The following SPTY2D1 variants were observed in gnomAD, a reference collection of about 807,000 sequenced individuals.
SPTY2D1 encodes the protein SPT2 chromatin protein domain containing 1, also known as protein SPT2 homolog.
Under a neutral mutation model 64.0 loss-of-function variants are expected in SPTY2D1, and 21 were observed. The ratio of observed to expected loss-of-function variants is 0.33; its 90% CI spans 0.23 to 0.47. The LOEUF (loss-of-function observed/expected upper bound fraction) is 0.47, where lower values mean the gene tolerates loss of function less well. Among genes scored for constraint, SPTY2D1 ranks in the 20% least tolerant of loss-of-function variants. The pLI is 1.00. For synonymous variants in SPTY2D1, 287 were observed against 286.8 expected (o/e 1.00, Z -0.01); for missense variants, 724 against 837.2 (o/e 0.86, Z 1.67).
chr11:18,627,870 C>T (rs1276100889), intron 1 of SPTY2D1, among the ~76,000 whole-genome samples: 1 of 135,922 alleles, frequency 7.4e-6, no homozygotes, highest in East Asian at 2.1e-4. Context: ...CAGAGCAAGA[C>T]TCCGTCTCAA....
rs750127389 is a variant in SPTY2D1, at chr11:18,614,950, A to G, written c.1324T>C (p.Ser442Pro). The G allele has an allele frequency of 5.0e-6, 8 of 1,613,940 alleles. No individual in the cohort carries two copies. Among genetic ancestry groups the G allele is most frequent in the Non-Finnish European group, 5.9e-6 (7 of 1,179,892 alleles). The change falls in exon 3 of 6, where the codon TCA becomes CCA. Residue 442 changes from serine to proline, a missense_variant. Ser to Pro is a moderately conservative substitution (Grantham distance 74). Transcript: ENST00000336349. ...CTGATGGGTCGCCCAGGGCCACCTG[A>G]GCTGCTTGCAGGTTGTCCAGGGCCA... is the stretch of plus-strand genomic sequence containing the variant. ...TCGPGQPASSSGGPGRPISGS... is the reference protein window; with the variant it reads ...TCGPGQPASSPGGPGRPISGS...
At chr11:18,627,977 G>A (rs1429476280) in intron 1 of SPTY2D1, among the ~76,000 whole-genome samples, 2 of 152,092 alleles carry the variant, frequency 1.3e-5, no homozygotes, top group Non-Finnish European at 2.9e-5. Flanking sequence ...GAACCTAGGA[G>A]GCAGAGGTTG....
intron 1 of SPTY2D1, among the ~76,000 whole-genome samples, chr11:18,633,565 G>T (rs1360361924): frequency 6.6e-6 from 1 of 152,212 alleles, no homozygotes; most frequent in Non-Finnish European, 1.5e-5. Context: ...AATCTGGAAG[G>T]CTACAAGTAA....
In SPTY2D1 at chr11:18,621,112, T is replaced by C. The variant is rs920606813; in HGVS notation, c.61-4123A>G. 6.0e-5 allele frequency among the ~76,000 whole-genome samples: 9 copies of C among 150,806 alleles called. No homozygotes were observed. The East Asian group carries it at 1.8e-3, about 30-fold the overall frequency. Reference sequence around the variant, plus strand: ...TGAGGTCAGGAGTTCGAGACCAGCCTGGTCAACTTGGTGAAACCCCATCAA... The same window carrying C: ...TGAGGTCAGGAGTTCGAGACCAGCCCGGTCAACTTGGTGAAACCCCATCAA... On this transcript the variant is annotated intron_variant, in intron 1 of 5. Transcript: ENST00000336349.
chr11:18,623,451 T>C lies in SPTY2D1; in HGVS notation c.61-6462A>G, dbSNP rs1022847113. Among the ~76,000 whole-genome samples, 8 of 139,466 alleles carry C rather than the reference T, an allele frequency of 5.7e-5. No individual in the cohort carries two copies. In the Admixed American group the frequency reaches 6.3e-4, roughly 11 times the overall value. The allele number at this position is 139,466 out of a possible 152,430, so 91.5% of individuals were successfully genotyped here. A position where few individuals can be genotyped will look rare whatever the true frequency, so the allele number is the denominator to read the frequency against. On this transcript the variant is annotated intron_variant, in intron 1 of 5. Coordinates refer to ENST00000336349, the MANE Select transcript of SPTY2D1 (RefSeq NM_194285.3). ...CAAATGAAATCGTATAATATGTAGC[T>C]ATGATGGTTAATTTTATATGTCAAT...
rs561949117 is a variant in SPTY2D1, at chr11:18,614,972, G to A, written c.1302C>T (p.Gly434=). The A allele has an allele frequency of 1.9e-6, 3 of 1,614,128 alleles. No individual in the cohort carries two copies. The highest frequency in any genetic ancestry group is 2.5e-6 in the Non-Finnish European group (3 of 1,180,038). ...PSRRTVSGTC[G]PGQPASSSGG... ...CTGAGCTGCTTGCAGGTTGTCCAGGGCCACATGTACCACTGACTGTCCGCC... is the reference window on the plus strand; with the variant it reads ...CTGAGCTGCTTGCAGGTTGTCCAGGACCACATGTACCACTGACTGTCCGCC... The change falls in exon 3 of 6, where the codon GGC becomes GGT. Residue 434 remains glycine, a synonymous_variant. Coordinates refer to ENST00000336349, the MANE Select transcript of SPTY2D1 (RefSeq NM_194285.3).
chr11:18,612,633 C>G lies in SPTY2D1; in HGVS notation c.1712-145G>C, dbSNP rs1854225228. On this transcript the variant is annotated intron_variant, in intron 3 of 5. Transcript: ENST00000336349. The surrounding 1 kb of genome is among the most constrained non-coding windows in gnomAD (Gnocchi z 4.6). ...TGGCCCTTAGCGCAGAGCCATCATC[C>G]TTGCTGTGTCATGGTATCCAGAAGG... is the stretch of plus-strand genomic sequence containing the variant. 2.8e-5 allele frequency: 16 copies of G among 562,362 alleles called. No individual in the cohort carries two copies. The Admixed American group carries it at 6.2e-4, about 22-fold the overall frequency. The allele number at this position is 562,362 out of a possible 1,614,324, so 34.8% of individuals were successfully genotyped here. A position where few individuals can be genotyped will look rare whatever the true frequency, so the allele number is the denominator to read the frequency against.
At chr11:18,620,502 A>G (rs542789739) in intron 1 of SPTY2D1, among the ~76,000 whole-genome samples, 2 of 151,882 alleles carry the variant, frequency 1.3e-5, no homozygotes, top group South Asian at 2.1e-4. Flanking sequence ...CAAAAACATC[A>G]TGAGCCGTTA....
Position 18,614,874 on chromosome 11 carries a change from C to T in SPTY2D1, c.1400G>A (p.Arg467Gln), listed in dbSNP as rs199827890. 7.7e-5 allele frequency: 124 copies of T among 1,613,562 alleles called. 1 individual carries two copies. The highest frequency in any genetic ancestry group is 7.9e-5 in the Non-Finnish European group (93 of 1,179,746). The change falls in exon 3 of 6, where the codon CGG (arginine) becomes CAG (glutamine). Residue 467 changes from arginine (R) to glutamine (Q), a missense_variant. Physicochemically the swap from Arg to Gln is conservative, Grantham distance 43. This residue lies in a region of SPTY2D1 where 426 missense variants were observed against 431.8 expected (regional missense o/e 0.99). Transcript: ENST00000336349. ...RPLGSSRGPG[R>Q]PVSSPHELRR... Reference sequence around the variant, plus strand: ...AAGTTCATGTGGACTGCTCACAGGCCGGCCAGGGCCACGAGAGCTGCCCAA... The same window carrying T: ...AAGTTCATGTGGACTGCTCACAGGCTGGCCAGGGCCACGAGAGCTGCCCAA...
In SPTY2D1 at chr11:18,634,275, G is replaced by A. The variant is rs763976515; in HGVS notation, c.-18C>T. On this transcript the variant is annotated 5_prime_UTR_variant, in exon 1 of 6. Coordinates refer to ENST00000336349, the MANE Select transcript of SPTY2D1 (RefSeq NM_194285.3). ...AAGTCCATGTTGGGCCGAGGCGGGA[G>A]AGACTGGGCCAGGCACTCGGAAAGG... 6.2e-6 allele frequency: 10 copies of A among 1,613,908 alleles called. No homozygotes were observed. The highest frequency in any genetic ancestry group is 3.3e-4 in the Middle Eastern group (2 of 6,084).
intron 1 of SPTY2D1, among the ~76,000 whole-genome samples, chr11:18,627,560 T>C (rs1015154500): frequency 2.0e-5 from 3 of 151,574 alleles, no homozygotes; most frequent in Non-Finnish European, 4.4e-5. Flanking sequence ...CTGGCCAACA[T>C]AGTGAAACCC....
intron 1 of SPTY2D1, among the ~76,000 whole-genome samples, chr11:18,617,590 C>T (rs1473513055): frequency 7.7e-6 from 1 of 130,204 alleles, no homozygotes; most frequent in East Asian, 2.2e-4. Context: ...TGTGCCACTG[C>T]ACTGTAGCCC....
chr11:18,628,963 TTTGC>T (rs1854542384), intron 1 of SPTY2D1, among the ~76,000 whole-genome samples: 1 of 152,140 alleles, frequency 6.6e-6, no homozygotes, highest in Non-Finnish European at 1.5e-5. Context: ...GACATCTGAA[TTTGC>T]TGTCCTAGTT....
In SPTY2D1 at chr11:18,622,101, A is replaced by AAAAAAAAAAC. The variant is rs71050618; in HGVS notation, c.61-5113_61-5112insGTTTTTTTTT. 4.1e-4 allele frequency among the ~76,000 whole-genome samples: 33 copies of AAAAAAAAAAC among 81,394 alleles called. 7 individuals carry two copies. The highest frequency in any genetic ancestry group is 1.6e-3 in the South Asian group (3 of 1,876). 53.4% of individuals were successfully genotyped at this position (81,394 alleles called of 152,430 possible). A position where few individuals can be genotyped will look rare whatever the true frequency, so the allele number is the denominator to read the frequency against. Reference sequence around the variant, plus strand: ...GACCCTATCTCAAAAAAAAAAAAAAAAAACCAAAACCAAAACCAAAAAAAC... The same window carrying AAAAAAAAAAC: ...GACCCTATCTCAAAAAAAAAAAAAAAAAAAAAAAACAAACCAAAACCAAAACCAAAAAAAC... On this transcript the variant is annotated intron_variant, in intron 1 of 5. Transcript: ENST00000336349.
intron 1 of SPTY2D1, among the ~76,000 whole-genome samples, chr11:18,629,426 C>A (rs992523085): frequency 6.6e-6 from 1 of 152,074 alleles, no homozygotes; most frequent in South Asian, 2.1e-4. Context: ...ATCGCTTGAC[C>A]CCGGGTGGCA....
At chr11:18,613,995 T>C (rs1854246668) in intron 3 of SPTY2D1, among the ~76,000 whole-genome samples, 2 of 152,216 alleles carry the variant, frequency 1.3e-5, no homozygotes, top group Non-Finnish European at 2.9e-5. Context: ...CATTGCAGCA[T>C]ACATATGTAA....
chr11:18,632,557 C>T lies in SPTY2D1; in HGVS notation c.60+1641G>A, dbSNP rs7934968. Among the ~76,000 whole-genome samples the T allele has an allele frequency of 7.0e-3, 1,062 of 152,268 alleles. 15 individuals carry two copies. The highest frequency in any genetic ancestry group is 0.024 in the African/African-American group (1,017 of 41,534). On this transcript the variant is annotated intron_variant, in intron 1 of 5. Transcript: ENST00000336349. ...AGAGATGGGGTTTCATCATATTTGT[C>T]AGGCTGGTCTCAAACTCCTGACTTC...
At chr11:18,617,551 G>A (rs78870962) in intron 1 of SPTY2D1, among the ~76,000 whole-genome samples, 10,961 of 142,218 alleles carry the variant, frequency 0.077, 564 homozygotes, top group East Asian at 0.23. Context: ...GCTTGAACCC[G>A]GGAGGCAGAG....
At chr11:18,611,455 G>A in intron 5 of SPTY2D1, 22 bp downstream of exon 5, 1 of 1,609,572 alleles carries the variant, frequency 6.2e-7, no homozygotes, top group Non-Finnish European at 8.5e-7. Context: ...TTTTGCACAA[G>A]TATGCTAAAT....
Sources: allele counts gnomAD v4.1 joint callset (sites outside exome capture counted in the v4.1 genomes callset), GRCh38; gene constraint gnomAD v4.1.1; regional missense constraint gnomAD v4.1.1; non-coding constraint Gnocchi (gnomAD v3.1); transcripts MANE v1.5; gene names NCBI Gene and HGNC (gene_info 2026-07-23, HGNC 2026-07-21).